STAT5B: variants seen among roughly 807,000 people sequenced by gnomAD.
STAT5B encodes signal transducer and activator of transcription 5B, also known as transcription factor STAT5B.
STAT5B carries 21 observed loss-of-function variants against 107.8 expected under a neutral mutation model. The ratio of observed to expected loss-of-function variants is 0.19; its 90% CI spans 0.14 to 0.28. STAT5B has a LOEUF of 0.28. Among genes scored for constraint, STAT5B ranks in the 10% least tolerant of loss-of-function variants. STAT5B has a pLI of 1.00. For synonymous variants in STAT5B, 325 were observed against 401.7 expected (o/e 0.81, Z 2.28); for missense variants, 565 against 1,008.2 (o/e 0.56, Z 5.95).
upstream of STAT5B, among the ~76,000 whole-genome samples, chr17:42,279,837 G>C (rs1173514336): frequency 6.6e-6 from 1 of 151,990 alleles, no homozygotes; most frequent in African/African-American, 2.4e-5. Context: ...AGGGTGGGTG[G>C]GAATGCCTCT....
At chr17:42,238,093 T>C (rs1437809478) in intron 1 of STAT5B, among the ~76,000 whole-genome samples, 1 of 117,170 alleles carries the variant, frequency 8.5e-6, no homozygotes, top group Non-Finnish European at 1.6e-5. Flanking sequence ...TATAAACTTT[T>C]CTATCCATCC....
chr17:42,283,794 G>T, the STAT5B span, among the ~76,000 whole-genome samples: 2 of 152,148 alleles, frequency 1.3e-5, no homozygotes, highest in Non-Finnish European at 2.9e-5. Context: ...CAAGAATGGG[G>T]GTGGCATTTC....
rs2144187721 is a variant in STAT5B, at chr17:42,200,503, T to G, written c.*1235A>C. On this transcript the variant is annotated 3_prime_UTR_variant, in exon 19 of 19. Coordinates refer to ENST00000293328, the MANE Select transcript of STAT5B (RefSeq NM_012448.4). ...ACTTTTATCAAACTCCCCAGCAAAC[T>G]TGCTGACTGCATTTCCACACATTAC... is the stretch of plus-strand genomic sequence containing the variant. 6.5e-6 allele frequency: 1 copy of G among 152,882 alleles called. No homozygotes were observed. The highest frequency in any genetic ancestry group is 3.4e-3 in the Middle Eastern group (1 of 294). The allele number at this position is 152,882 out of a possible 1,614,324, so 9.5% of individuals were successfully genotyped here. A position where few individuals can be genotyped will look rare whatever the true frequency, so the allele number is the denominator to read the frequency against.
rs746576422 is a variant in STAT5B at position 42,201,884 on chromosome 17, G to T, written c.2238-20C>A. The T allele has an allele frequency of 1.2e-6, 2 of 1,612,664 alleles. No individual in the cohort carries two copies. On this transcript the variant is annotated intron_variant, in intron 18 of 18. Coordinates refer to ENST00000293328, the MANE Select transcript of STAT5B (RefSeq NM_012448.4). ...TCAGGGCTTGGGAGGGAAAGAAGAG[G>T]GATGAAGGGAAGGGGAAAGCCTGCC...
At chr17:42,274,405 C>T (rs2080747805) in intron 1 of STAT5B, among the ~76,000 whole-genome samples, 1 of 151,958 alleles carries the variant, frequency 6.6e-6, no homozygotes, top group South Asian at 2.1e-4. Context: ...AACGCGCTTA[C>T]CTGACCCAAG....
chr17:42,243,522 C>A (rs1007485103), intron 1 of STAT5B, among the ~76,000 whole-genome samples: 9 of 152,142 alleles, frequency 5.9e-5, no homozygotes, highest in African/African-American at 2.2e-4. Flanking sequence ...GGGTAAATGG[C>A]CATGTCGTCT....
intron 12 of STAT5B, 68 bp from the exon 13 acceptor site, chr17:42,212,258 A>C: frequency 6.2e-7 from 1 of 1,612,504 alleles, no homozygotes; most frequent in East Asian, 2.2e-5. Context: ...AAGCCACAAA[A>C]GAAAAACGCT....
chr17:42,242,562 G>C (rs77788327), intron 1 of STAT5B, among the ~76,000 whole-genome samples: 1,789 of 151,966 alleles, frequency 0.012, 12 homozygotes, highest in Non-Finnish European at 0.018. Flanking sequence ...GAAACAATCA[G>C]ACAAATCCAA....
At position 42,219,893 on chromosome 17, in the gene STAT5B, G is replaced by A. The variant is rs2144252482; in HGVS notation, c.551-51C>T. 2.5e-6 allele frequency: 4 copies of A among 1,613,064 alleles called. No homozygotes were observed. In the East Asian group the frequency reaches 8.9e-5, roughly 36 times the overall value. ...ACCATCACCTCCCAGTGTCCAACAG[G>A]AGGCCCAGAGAAGCCCACTCACCCG... On this transcript the variant is annotated intron_variant, in intron 5 of 18. Transcript: ENST00000293328.
At chr17:42,222,830 C>T (rs962431839) in intron 5 of STAT5B, among the ~76,000 whole-genome samples, 23 of 151,562 alleles carry the variant, frequency 1.5e-4, no homozygotes, top group African/African-American at 2.2e-4. Context: ...TACATGCATG[C>T]GCCACTGGGA....
chr17:42,228,303 A>G (rs1020758485), intron 2 of STAT5B, among the ~76,000 whole-genome samples: 3 of 152,212 alleles, frequency 2.0e-5, no homozygotes, highest in African/African-American at 7.2e-5. Context: ...TTTCCAGTAA[A>G]CAAGGAAAAC....
intron 16 of STAT5B, among the ~76,000 whole-genome samples, chr17:42,206,476 A>G (rs1296015219): frequency 6.6e-6 from 1 of 152,232 alleles, no homozygotes; most frequent in Non-Finnish European, 1.5e-5. Flanking sequence ...TGCAATGTAT[A>G]ATACATATCT....
chr17:42,202,317 AC>A (rs777142714), intron 18 of STAT5B, 22 bp downstream of exon 18: 1 of 1,613,338 alleles, frequency 6.2e-7, no homozygotes, highest in Non-Finnish European at 8.5e-7. Context: ...TCCCCTGTGG[AC>A]CCCCACAAGA....
chr17:42,224,705 CA>C (rs1467034921), intron 4 of STAT5B, 73 bp downstream of exon 4: 2 of 1,471,528 alleles, frequency 1.4e-6, no homozygotes, highest in East Asian at 4.6e-5. Context: ...GTCACCTTGA[CA>C]AAGGTGGGTC....
chr17:42,217,601 A>G (rs2080183149), intron 9 of STAT5B, 137 bp from the exon 10 acceptor site: 1 of 843,906 alleles, frequency 1.2e-6, no homozygotes, highest in Non-Finnish European at 2.0e-6. Flanking sequence ...TGTTAGCTAC[A>G]TAACACATAC....
At chr17:42,280,029 T>C (rs1278910878), upstream of STAT5B, among the ~76,000 whole-genome samples, 1 of 152,042 alleles carries the variant, frequency 6.6e-6, no homozygotes. Flanking sequence ...ACAGTTCTGA[T>C]GGGGTGGGAC....
Position 42,202,738 on chromosome 17 carries a change from C to A in STAT5B, c.2129+19G>T, listed in dbSNP as rs1355357731. On this transcript the variant is annotated intron_variant, in intron 17 of 18. Coordinates refer to ENST00000293328, the MANE Select transcript of STAT5B (RefSeq NM_012448.4). ...GAGGAAAGAGGCAGAAGGAGAGCCA[C>A]AGCCACCTGGACACTTACTCAGGGA... The A allele has an allele frequency of 6.2e-7, 1 of 1,613,796 alleles. No individual in the cohort carries two copies.
chr17:42,266,545 A>AT (rs1491391524), intron 1 of STAT5B, among the ~76,000 whole-genome samples: 5 of 150,288 alleles, frequency 3.3e-5, no homozygotes, highest in Non-Finnish European at 5.9e-5. Context: ...GTCTCAAAAA[A>AT]TAAAAAAAAA....
At chr17:42,248,648 C>A in intron 1 of STAT5B, among the ~76,000 whole-genome samples, 1 of 152,234 alleles carries the variant, frequency 6.6e-6, no homozygotes, top group Non-Finnish European at 1.5e-5. Flanking sequence ...AACAGATGCA[C>A]TGAAAGGCTC....
Sources: allele counts gnomAD v4.1 joint callset (sites outside exome capture counted in the v4.1 genomes callset), GRCh38; gene constraint gnomAD v4.1.1; transcripts MANE v1.5; gene names NCBI Gene and HGNC (gene_info 2026-07-23, HGNC 2026-07-21).